Variants in PNMA2 observed in about 807,000 individuals in gnomAD.
PNMA2 encodes the protein PNMA family member 2, also known as paraneoplastic antigen Ma2.
For missense variants in PNMA2, 455 were observed against 452.9 expected, an observed-to-expected ratio of 1.00 and a Z score of -0.04; for synonymous variants, 175 against 183.5, an observed-to-expected ratio of 0.95 and a Z score of 0.38.
rs1317754231 is a variant in PNMA2 at position 26,508,531 on chromosome 8, G to GAC, written c.223_224dup (p.Ala77ArgfsTer16). 1 of 1,614,186 alleles carries GAC rather than the reference G, an allele frequency of 6.2e-7. No homozygotes were observed. Reference sequence around the variant, plus strand: ...CCTGGACCTCACTGGGAATGGCCGAGACATCAGTATCTTCCAGAAGCTCTA... The same window carrying GAC: ...CCTGGACCTCACTGGGAATGGCCGAGACACATCAGTATCTTCCAGAAGCTCTA... On this transcript the variant is annotated frameshift_variant, in exon 3 of 3. Transcript: ENST00000522362. LOFTEE classifies it high-confidence loss of function. The surrounding 1 kb of genome is among the most constrained non-coding windows in gnomAD (Gnocchi z 5.5).
chr8:26,508,471 G>A lies in PNMA2; in HGVS notation c.285C>T (p.Thr95=). 1 of 1,614,172 alleles carries A rather than the reference G, an allele frequency of 6.2e-7. No homozygotes were observed. The highest frequency in any genetic ancestry group is 8.5e-7 in the Non-Finnish European group (1 of 1,180,038). ...CAAGAAACTCAGTGTCCTGATTAGGGGTCTTAAAGATCACCTTCCAGACAC... is the reference window on the plus strand; with the variant it reads ...CAAGAAACTCAGTGTCCTGATTAGGAGTCTTAAAGATCACCTTCCAGACAC... ...KGGVWKVIFK[T]PNQDTEFLER... The change falls in exon 3 of 3, where the codon ACC becomes ACT. Residue 95 remains threonine (T), a synonymous_variant. Transcript: ENST00000522362. This position sits in a 1 kb window ranked among gnomAD's most constrained non-coding sequence, Gnocchi z 5.5.
In PNMA2 at chr8:26,509,078, C is replaced by T. The variant is rs534947511; in HGVS notation, c.-323G>A. The stretch of plus-strand genomic sequence containing the variant: ...ATTTTCTCAAAGATGCTGGCAGCCA[C>T]GTGACGCTGACCCTTCTCTGATAGT... On this transcript the variant is annotated 5_prime_UTR_variant, in exon 3 of 3. The change creates a new upstream start codon in the 5' untranslated region. Transcript: ENST00000522362. The surrounding 1 kb of genome is among the most constrained non-coding windows in gnomAD (Gnocchi z 5.7). 1.6e-5 allele frequency: 5 copies of T among 307,940 alleles called. No homozygotes were observed. Among genetic ancestry groups the T allele is most frequent in the Admixed American group, 1.6e-4 (3 of 18,972 alleles). The allele number at this position is 307,940 out of a possible 1,614,324, so 19.1% of individuals were successfully genotyped here. A position where few individuals can be genotyped will look rare whatever the true frequency, so the allele number is the denominator to read the frequency against.
Position 26,505,353 on chromosome 8 carries a change from T to C in PNMA2, c.*2308A>G. On this transcript the variant is annotated 3_prime_UTR_variant, in exon 3 of 3. Transcript: ENST00000522362. ...GAAGCTAAGCAATTTGCTTACAGTATGCACAAATCTACCACAAGACTACAC... is the reference window on the plus strand; with the variant it reads ...GAAGCTAAGCAATTTGCTTACAGTACGCACAAATCTACCACAAGACTACAC... 1 of 167,084 alleles carries C rather than the reference T, an allele frequency of 6.0e-6. No individual in the cohort carries two copies. Among genetic ancestry groups the C allele is most frequent in the Non-Finnish European group, 1.4e-5 (1 of 73,954 alleles). 10.4% of individuals were successfully genotyped at this position (167,084 alleles called of 1,614,324 possible).
rs1441949635 is a variant in PNMA2, at chr8:26,507,281, A to G, written c.*380T>C. 2.5e-5 allele frequency: 4 copies of G among 160,256 alleles called. No individual in the cohort carries two copies. Among genetic ancestry groups the G allele is most frequent in the African/African-American group, 4.8e-5 (2 of 41,718 alleles). 9.9% of individuals were successfully genotyped at this position (160,256 alleles called of 1,614,324 possible). A position where few individuals can be genotyped will look rare whatever the true frequency, so the allele number is the denominator to read the frequency against. On this transcript the variant is annotated 3_prime_UTR_variant, in exon 3 of 3. Transcript: ENST00000522362. ...CTGTCTCTACCAAAAATACAAAAGA[A>G]TAGCTAGGCATGGTGGTGCGTGCCT...
chr8:26,513,388 G>GC (rs148272306), intron 1 of PNMA2, among the ~76,000 whole-genome samples: 7,623 of 140,912 alleles, frequency 0.054, 223 homozygotes, highest in East Asian at 0.14. Context: ...CATGTTGTGT[G>GC]CCCCCCCCCC....
rs1808026257 is a variant in PNMA2 at position 26,505,114 on chromosome 8, A to G, written c.*2547T>C. On this transcript the variant is annotated 3_prime_UTR_variant, in exon 3 of 3. Transcript: ENST00000522362. ...GGTAGACTGGAAGTCAACTGGAAGC[A>G]TATTAGCTTGTTACCACACAACTGT... 6.6e-6 allele frequency: 1 copy of G among 152,466 alleles called. No homozygotes were observed. Among genetic ancestry groups the G allele is most frequent in the Admixed American group, 6.5e-5 (1 of 15,290 alleles). The allele number at this position is 152,466 out of a possible 1,614,324, so 9.4% of individuals were successfully genotyped here.
Position 26,508,339 on chromosome 8 carries a change from T to C in PNMA2, c.417A>G (p.Pro139=). 1 of 1,613,370 alleles carries C rather than the reference T, an allele frequency of 6.2e-7. No homozygotes were observed. Among genetic ancestry groups the C allele is most frequent in the Non-Finnish European group, 8.5e-7 (1 of 1,179,550 alleles). ...VSPATVPCIS[P]ELLAHLLGQA... ...GTCCCAACAAATGGGCCAGTAATTCTGGTGAGATGCAGGGCACTGTGGCTG... is the reference window on the plus strand; with the variant it reads ...GTCCCAACAAATGGGCCAGTAATTCCGGTGAGATGCAGGGCACTGTGGCTG... The change falls in exon 3 of 3, where the codon CCA becomes CCG. Residue 139 remains proline (P), a synonymous_variant. Coordinates refer to ENST00000522362, the MANE Select transcript of PNMA2 (RefSeq NM_007257.6). The surrounding 1 kb of genome is among the most constrained non-coding windows in gnomAD (Gnocchi z 5.5).
rs1169714982 is a variant in PNMA2, at chr8:26,504,706, T to A, written c.*2955A>T. The A allele has an allele frequency of 1.3e-5, 2 of 152,664 alleles. No individual in the cohort carries two copies. The highest frequency in any genetic ancestry group is 2.9e-5 in the Non-Finnish European group (2 of 68,038). The allele number at this position is 152,664 out of a possible 1,614,324, so 9.5% of individuals were successfully genotyped here. ...GGAAACAGAAAAACTCAGGATTTTA[T>A]TAGCATATATTTATTTTATAACTTC... On this transcript the variant is annotated 3_prime_UTR_variant, in exon 3 of 3. Transcript: ENST00000522362.
rs1427757172 is a variant in PNMA2 at position 26,506,107 on chromosome 8, G to C, written c.*1554C>G. 6.6e-6 allele frequency: 1 copy of C among 152,206 alleles called. No homozygotes were observed. Among genetic ancestry groups the C allele is most frequent in the African/African-American group, 2.4e-5 (1 of 41,436 alleles). The allele number at this position is 152,206 out of a possible 1,614,324, so 9.4% of individuals were successfully genotyped here. ...ATTTGAAAGTCATCGTGATGGTAGA[G>C]GATGGACTAGTGTGAGTCAGAAAGT... On this transcript the variant is annotated 3_prime_UTR_variant, in exon 3 of 3. Coordinates refer to ENST00000522362, the MANE Select transcript of PNMA2 (RefSeq NM_007257.6). The surrounding 1 kb of genome is among the most constrained non-coding windows in gnomAD (Gnocchi z 4.4).
At chr8:26,510,806 A>T (rs1808138522) in intron 1 of PNMA2, among the ~76,000 whole-genome samples, 1 of 152,216 alleles carries the variant, frequency 6.6e-6, no homozygotes, top group South Asian at 2.1e-4. Flanking sequence ...AGGAGGAAGC[A>T]CACCTATCAA....
chr8:26,513,114 C>CTCTTTTTTT (rs1407156934), intron 1 of PNMA2: 2 of 125,068 alleles, frequency 1.6e-5, no homozygotes, highest in African/African-American at 7.2e-5. Flanking sequence ...TTTTTTCTCT[C>CTCTTTTTTT]TTTTTTTTTT....
Position 26,505,288 on chromosome 8 carries a change from T to C in PNMA2, c.*2373A>G. The stretch of plus-strand genomic sequence containing the variant: ...ATTTGTTCATAACAACCGTGTACTC[T>C]CATCTTCTTATTTTTCAGATGTGGA... On this transcript the variant is annotated 3_prime_UTR_variant, in exon 3 of 3. Coordinates refer to ENST00000522362, the MANE Select transcript of PNMA2 (RefSeq NM_007257.6). The C allele has an allele frequency of 5.8e-6, 1 of 171,380 alleles. No homozygotes were observed. The highest frequency in any genetic ancestry group is 1.1e-4 in the South Asian group (1 of 8,878). The allele number at this position is 171,380 out of a possible 1,614,324, so 10.6% of individuals were successfully genotyped here.
Position 26,508,342 on chromosome 8 carries a change from T to C in PNMA2, c.414A>G (p.Ser138=), listed in dbSNP as rs1440547779. 5 of 1,613,350 alleles carry C rather than the reference T, an allele frequency of 3.1e-6. No individual in the cohort carries two copies. In the Admixed American group the frequency reaches 8.3e-5, roughly 27 times the overall value. The change falls in exon 3 of 3, where the codon TCA becomes TCG. Residue 138 remains serine (S), a synonymous_variant. Transcript: ENST00000522362. The surrounding 1 kb of genome is among the most constrained non-coding windows in gnomAD (Gnocchi z 5.5). ...CCAACAAATGGGCCAGTAATTCTGGTGAGATGCAGGGCACTGTGGCTGGAG... is the reference window on the plus strand; with the variant it reads ...CCAACAAATGGGCCAGTAATTCTGGCGAGATGCAGGGCACTGTGGCTGGAG... The part of the protein sequence containing the change: ...GVSPATVPCI[S]PELLAHLLGQ...
chr8:26,513,388 G>GCCCCCCCCCCCC (rs148272306), intron 1 of PNMA2, among the ~76,000 whole-genome samples: 9 of 141,048 alleles, frequency 6.4e-5, no homozygotes, highest in East Asian at 4.3e-4. Context: ...CATGTTGTGT[G>GCCCCCCCCCCCC]CCCCCCCCCC....
At position 26,508,415 on chromosome 8, in the gene PNMA2, C is replaced by G. The variant is rs1477627116; in HGVS notation, c.341G>C (p.Gly114Ala). 1.2e-6 allele frequency: 2 copies of G among 1,614,126 alleles called. No individual in the cohort carries two copies. Among genetic ancestry groups the G allele is most frequent in the African/African-American group, 2.7e-5 (2 of 74,956 alleles). The change falls in exon 3 of 3, where the codon GGG (glycine) becomes GCG (alanine). Residue 114 changes from glycine to alanine, a missense_variant. Gly to Ala is a moderately conservative substitution (Grantham distance 60, BLOSUM62 0). Transcript: ENST00000522362. The surrounding 1 kb of genome is among the most constrained non-coding windows in gnomAD (Gnocchi z 5.5). ...ERLNLFLEKE[G>A]QTVSGMFRAL... ...TCGAAACATACCCGAGACCGTCTGC[C>G]CCTCTTTTTCTAGAAACAGGTTCAA...
intron 1 of PNMA2, among the ~76,000 whole-genome samples, chr8:26,512,562 A>T (rs1808179783): frequency 6.6e-6 from 1 of 152,168 alleles, no homozygotes; most frequent in South Asian, 2.1e-4. Flanking sequence ...CCCTGGTTAC[A>T]CGGCCCTACG....
At position 26,507,115 on chromosome 8, in the gene PNMA2, T is replaced by G. The variant is rs1168760034; in HGVS notation, c.*546A>C. The G allele has an allele frequency of 6.6e-6, 1 of 152,202 alleles. No individual in the cohort carries two copies. The allele number at this position is 152,202 out of a possible 1,614,324, so 9.4% of individuals were successfully genotyped here. ...ATCTACATAGGGTCTAAGAAACTCCTAGATATTTTTTTCTTAAAAAGAAAA... is the reference window on the plus strand; with the variant it reads ...ATCTACATAGGGTCTAAGAAACTCCGAGATATTTTTTTCTTAAAAAGAAAA... On this transcript the variant is annotated 3_prime_UTR_variant, in exon 3 of 3. Coordinates refer to ENST00000522362, the MANE Select transcript of PNMA2 (RefSeq NM_007257.6).
chr8:26,508,110 C>G lies in PNMA2; in HGVS notation c.646G>C (p.Asp216His). The part of the protein sequence containing the change: ...LAESLRGPAL[D>H]LMHIVQADNP... The stretch of plus-strand genomic sequence containing the variant: ...TCTGCCTGCACTATGTGCATGAGGT[C>G]CAGGGCAGGGCCCCGCAGGCTTTCC... Residue 216 changes from aspartate (D) to histidine (H), a missense_variant, in exon 3 of 3, where the codon GAC becomes CAC. Physicochemically the swap from Asp to His is moderately conservative, Grantham distance 81. Transcript: ENST00000522362. The surrounding 1 kb of genome is among the most constrained non-coding windows in gnomAD (Gnocchi z 5.5). 1 of 1,614,244 alleles carries G rather than the reference C, an allele frequency of 6.2e-7. No homozygotes were observed. Among genetic ancestry groups the G allele is most frequent in the Non-Finnish European group, 8.5e-7 (1 of 1,180,050 alleles).
intron 1 of PNMA2, chr8:26,512,973 C>T (rs1419023942): frequency 1.3e-5 from 2 of 152,320 alleles, no homozygotes; most frequent in African/African-American, 2.4e-5. Context: ...CACTTACTCC[C>T]CAAACACGTG....
Sources: gnomAD v4.1 joint callset for allele counts (sites outside exome capture counted in the v4.1 genomes callset) on GRCh38, gnomAD v4.1.1 for gene constraint, Gnocchi (gnomAD v3.1) non-coding constraint, MANE v1.5 for transcripts, NCBI Gene and HGNC (gene_info 2026-07-23, HGNC 2026-07-21) for gene names.